The following TSN variants were observed in gnomAD, a reference collection of about 807,000 sequenced individuals.
The protein encoded by TSN is component 3 of promoter of RISC.
In TSN, 5 loss-of-function variants were observed where a neutral mutation model predicts 29.4. The ratio of observed to expected loss-of-function variants is 0.17; its 90% CI spans 0.09 to 0.36. The LOEUF is 0.36. TSN is among the 10% of genes least tolerant of loss of function. TSN has a pLI of 1.00. For synonymous variants in TSN, 106 were observed against 102.2 expected (o/e 1.04, Z -0.23); for missense variants, 159 against 272.8 (o/e 0.58, Z 2.94).
chr2:121,759,745 A>G (rs2074796923), intron 3 of TSN, among the ~76,000 whole-genome samples: 2 of 152,190 alleles, frequency 1.3e-5, no homozygotes, highest in African/African-American at 4.8e-5. Context: ...TTCTTTTAAG[A>G]CGTATATATC....
chr2:121,762,915 A>C, intron 4 of TSN, 90 bp from the exon 5 acceptor site: 1 of 1,196,812 alleles, frequency 8.4e-7, no homozygotes, highest in Admixed American at 2.8e-5. Flanking sequence ...TCCTTTCTTC[A>C]CTTACTTTGG....
rs2074910006 is a variant in TSN at position 121,766,966 on chromosome 2, A to T, written c.*1599A>T. 1 of 152,226 alleles carries T rather than the reference A, an allele frequency of 6.6e-6. No individual in the cohort carries two copies. The highest frequency in any genetic ancestry group is 2.4e-5 in the African/African-American group (1 of 41,464). 9.4% of individuals were successfully genotyped at this position (152,226 alleles called of 1,614,324 possible). On this transcript the variant is annotated 3_prime_UTR_variant, in exon 6 of 6. Transcript: ENST00000389682. ...TCTTTTTGTGAAGTTAGGTTCTTAA[A>T]AGTGCCCATGATGGTCACTTAAAAT...
In TSN at chr2:121,763,070, C is replaced by A. The variant is rs1558692548; in HGVS notation, c.439C>A (p.Leu147Ile). ...VEDYLSGVLI[L>I]ASELSRLSVN... ...AGATTATCTCTCAGGAGTTCTAATT[C>A]TTGCCAGTGAACTGGTAAGCTCAGT... The change falls in exon 5 of 6, where the codon CTT becomes ATT. Residue 147 changes from leucine (L) to isoleucine (I), a missense_variant. By Grantham distance (5) the Leu-to-Ile change is conservative (BLOSUM62 2). This residue lies in a region of TSN where 85 missense variants were observed against 178.1 expected (regional missense o/e 0.48). Coordinates refer to ENST00000389682, the MANE Select transcript of TSN (RefSeq NM_004622.3). 6.2e-7 allele frequency: 1 copy of A among 1,603,690 alleles called. No homozygotes were observed. The highest frequency in any genetic ancestry group is 1.4e-5 in the African/African-American group (1 of 73,598).
intron 5 of TSN, 33 bp downstream of exon 5, chr2:121,763,117 A>C: frequency 1.8e-6 from 2 of 1,134,840 alleles, no homozygotes; most frequent in South Asian, 1.5e-5. Flanking sequence ...TGCTTTTTTG[A>C]TCTTTCTGCT....
Position 121,767,539 on chromosome 2 carries a change from C to T in TSN, c.*2172C>T, listed in dbSNP as rs979949411. On this transcript the variant is annotated 3_prime_UTR_variant, in exon 6 of 6. Coordinates refer to ENST00000389682, the MANE Select transcript of TSN (RefSeq NM_004622.3). The stretch of plus-strand genomic sequence containing the variant: ...AACCTGGGCTCTGGTTTTAGTATAC[C>T]GGAATTACTTTTTTCCAATTTTAGA... 4 of 151,756 alleles carry T rather than the reference C, an allele frequency of 2.6e-5. No individual in the cohort carries two copies. Among genetic ancestry groups the T allele is most frequent in the Non-Finnish European group, 4.4e-5 (3 of 67,978 alleles). The allele number at this position is 151,756 out of a possible 1,614,324, so 9.4% of individuals were successfully genotyped here. A position where few individuals can be genotyped will look rare whatever the true frequency, so the allele number is the denominator to read the frequency against.
At position 121,755,759 on chromosome 2, in the gene TSN, G is replaced by C. The variant is rs959900679; in HGVS notation, c.-21G>C. 5.6e-6 allele frequency: 9 copies of C among 1,607,640 alleles called. No individual in the cohort carries two copies. Among genetic ancestry groups the C allele is most frequent in the Non-Finnish European group, 7.6e-6 (9 of 1,179,988 alleles). ...CTTGGCCGCCCTTGCTACACTGGCTGATTGTTGTGCAGCCGGCGCCATGTC... is the reference window on the plus strand; with the variant it reads ...CTTGGCCGCCCTTGCTACACTGGCTCATTGTTGTGCAGCCGGCGCCATGTC... On this transcript the variant is annotated 5_prime_UTR_variant, in exon 1 of 6. Coordinates refer to ENST00000389682, the MANE Select transcript of TSN (RefSeq NM_004622.3).
chr2:121,759,378 G>T (rs1252275393), intron 3 of TSN, among the ~76,000 whole-genome samples: 3 of 152,168 alleles, frequency 2.0e-5, no homozygotes, highest in Admixed American at 2.0e-4. Context: ...GGAGGCCTAG[G>T]TGGGCAGATC....
At chr2:121,756,947 C>T (rs2074758738) in intron 1 of TSN, among the ~76,000 whole-genome samples, 1 of 151,914 alleles carries the variant, frequency 6.6e-6, no homozygotes. Flanking sequence ...TAGAAATACC[C>T]GACTCTTGTG....
Position 121,765,706 on chromosome 2 carries a change from G to A in TSN, c.*339G>A. 1 of 264,074 alleles carries A rather than the reference G, an allele frequency of 3.8e-6. No homozygotes were observed. The highest frequency in any genetic ancestry group is 9.0e-5 in the East Asian group (1 of 11,102). 16.4% of individuals were successfully genotyped at this position (264,074 alleles called of 1,614,324 possible). A position where few individuals can be genotyped will look rare whatever the true frequency, so the allele number is the denominator to read the frequency against. Reference sequence around the variant, plus strand: ...GATTGAGAAGTTCATTGTCTCGTTTGTGATTCTTCCAGATGTGATGCTTGA... The same window carrying A: ...GATTGAGAAGTTCATTGTCTCGTTTATGATTCTTCCAGATGTGATGCTTGA... On this transcript the variant is annotated 3_prime_UTR_variant, in exon 6 of 6. Coordinates refer to ENST00000389682, the MANE Select transcript of TSN (RefSeq NM_004622.3).
Position 121,758,775 on chromosome 2 carries a change from A to G in TSN, c.226A>G (p.Lys76Glu). ...GTVKTHLTSL[K>E]TKFPAEQYYR... ...AGTAAAAACACATCTAACATCTTTG[A>G]AGACCAAATTTCCTGCTGAACAGTA... Residue 76 changes from lysine to glutamate, a missense_variant, in exon 3 of 6, where the codon AAG becomes GAG. Coordinates refer to ENST00000389682, the MANE Select transcript of TSN (RefSeq NM_004622.3). 1 of 1,594,372 alleles carries G rather than the reference A, an allele frequency of 6.3e-7. No individual in the cohort carries two copies. Among genetic ancestry groups the G allele is most frequent in the African/African-American group, 1.3e-5 (1 of 74,432 alleles).
intron 4 of TSN, 25 bp from the exon 5 acceptor site, chr2:121,762,980 G>C (rs1343916171): frequency 6.3e-7 from 1 of 1,584,230 alleles, no homozygotes. Flanking sequence ...TTCACAGCAT[G>C]ACTTTATTTT....
intron 4 of TSN, 128 bp downstream of exon 4, chr2:121,761,652 T>A: frequency 2.8e-6 from 2 of 711,394 alleles, no homozygotes; most frequent in Non-Finnish European, 4.9e-6. Context: ...AGTTGTAGCT[T>A]GGTATCTGAG....
At position 121,759,132 on chromosome 2, in the gene TSN, A is replaced by G. The variant is rs899161065; in HGVS notation, c.257+326A>G. ...TGGATGAACTATAGTTAGTGAAATA[A>G]TGAGATTAGGTGGCAGTATATATAT... is the stretch of plus-strand genomic sequence containing the variant. On this transcript the variant is annotated intron_variant, in intron 3 of 5. Transcript: ENST00000389682. 2.0e-5 allele frequency among the ~76,000 whole-genome samples: 3 copies of G among 152,210 alleles called. No individual in the cohort carries two copies. In the East Asian group the frequency reaches 5.8e-4, roughly 29 times the overall value.
rs979188849 is a variant in TSN, at chr2:121,766,734, A to C, written c.*1367A>C. Reference sequence around the variant, plus strand: ...TGAAAGGAAAGTGCTTTCCAGAATAATATGAAGTATCTAAAAGTGTCACCT... The same window carrying C: ...TGAAAGGAAAGTGCTTTCCAGAATACTATGAAGTATCTAAAAGTGTCACCT... On this transcript the variant is annotated 3_prime_UTR_variant, in exon 6 of 6. Coordinates refer to ENST00000389682, the MANE Select transcript of TSN (RefSeq NM_004622.3). 5.9e-5 allele frequency: 9 copies of C among 152,328 alleles called. No homozygotes were observed. Among genetic ancestry groups the C allele is most frequent in the African/African-American group, 1.2e-4 (5 of 41,578 alleles). The allele number at this position is 152,328 out of a possible 1,614,324, so 9.4% of individuals were successfully genotyped here. A position where few individuals can be genotyped will look rare whatever the true frequency, so the allele number is the denominator to read the frequency against.
rs761368671 is a variant in TSN at position 121,765,249 on chromosome 2, C to A, written c.569C>A (p.Ser190Tyr). Residue 190 changes from serine (S) to tyrosine (Y), a missense_variant, in exon 6 of 6, where the codon TCC becomes TAC. Coordinates refer to ENST00000389682, the MANE Select transcript of TSN (RefSeq NM_004622.3). ...CGCCTTCTCAACCTGAAAAATGACT[C>A]CCTGAGGAAGCGCTACGACGGATTG... ...GFRLLNLKNDSLRKRYDGLKY... is the reference protein window; with the variant it reads ...GFRLLNLKNDYLRKRYDGLKY... 1.9e-6 allele frequency: 3 copies of A among 1,614,190 alleles called. No individual in the cohort carries two copies. The highest frequency in any genetic ancestry group is 1.1e-5 in the South Asian group (1 of 91,078).
rs368496978 is a variant in TSN, at chr2:121,758,791, C to T, written c.242C>T (p.Ala81Val). 1 of 1,585,776 alleles carries T rather than the reference C, an allele frequency of 6.3e-7. No homozygotes were observed. Among genetic ancestry groups the T allele is most frequent in the Non-Finnish European group, 8.6e-7 (1 of 1,168,324 alleles). Residue 81 changes from alanine to valine, a missense_variant, in exon 3 of 6, where the codon GCT (alanine) becomes GTT (valine). Transcript: ENST00000389682. ...ACATCTTTGAAGACCAAATTTCCTG[C>T]TGAACAGTATTACAGGTTTGTAAGA... Reference protein sequence around the residue: ...HLTSLKTKFPAEQYYRFHEHW... With the variant: ...HLTSLKTKFPVEQYYRFHEHW...
rs186439720 is a variant in TSN at position 121,765,232 on chromosome 2, C to T, written c.552C>T (p.Leu184=). 5.6e-6 allele frequency: 9 copies of T among 1,614,084 alleles called. No individual in the cohort carries two copies. The highest frequency in any genetic ancestry group is 3.3e-5 in the South Asian group (3 of 91,096). Residue 184 remains leucine (L), a synonymous_variant, in exon 6 of 6, where the codon CTC becomes CTT. Coordinates refer to ENST00000389682, the MANE Select transcript of TSN (RefSeq NM_004622.3). ...INELDSGFRL[L]NLKNDSLRKR... ...AGCTGGATTCCGGTTTTCGCCTTCT[C>T]AACCTGAAAAATGACTCCCTGAGGA...
intron 1 of TSN, chr2:121,756,240 C>G: frequency 7.7e-6 from 2 of 260,604 alleles, no homozygotes; most frequent in South Asian, 8.2e-5. Context: ...AAAAATCAGA[C>G]TCTACTGTGG....
Position 121,755,855 on chromosome 2 carries a change from C to T in TSN, c.66+10C>T. ...GCAGGACATCCGAGAGGCGAGCCCC[C>T]TCCCTTCCCCATTCCCTTTGCCTTT... On this transcript the variant is annotated intron_variant, in intron 1 of 5. Transcript: ENST00000389682. 1 of 1,614,038 alleles carries T rather than the reference C, an allele frequency of 6.2e-7. No individual in the cohort carries two copies. The highest frequency in any genetic ancestry group is 8.5e-7 in the Non-Finnish European group (1 of 1,180,020).
Sources: gnomAD v4.1 joint callset for allele counts (sites outside exome capture counted in the v4.1 genomes callset) on GRCh38, gnomAD v4.1.1 for gene constraint, gnomAD v4.1.1 regional missense constraint, MANE v1.5 for transcripts, NCBI Gene and HGNC (gene_info 2026-07-23, HGNC 2026-07-21) for gene names.